PCDHA5: variants seen among roughly 807,000 people sequenced by gnomAD.
The protein encoded by PCDHA5 is protocadherin alpha-5.
Under a neutral mutation model 61.6 loss-of-function variants are expected in PCDHA5, and 43 were observed. That is an observed-to-expected ratio of 0.70 (90% CI 0.55 to 0.90). The LOEUF (loss-of-function observed/expected upper bound fraction) is 0.90. Among genes scored for constraint, PCDHA5 ranks in the 40% least tolerant of loss-of-function variants. The pLI is 0.00. For missense variants in PCDHA5, 1,298 were observed against 1,222.7 expected (o/e 1.06, Z -0.92); for synonymous variants, 627 against 543.9 (o/e 1.15, Z -2.13).
At chr5:140,890,917 G>C (rs1465334645) in intron 1 of PCDHA5, among the ~76,000 whole-genome samples, 3 of 152,116 alleles carry the variant, frequency 2.0e-5, no homozygotes, top group Non-Finnish European at 4.4e-5. Context: ...AATAATTTGA[G>C]AGTTTCCTTT....
intron 1 of PCDHA5, among the ~76,000 whole-genome samples, chr5:140,837,439 T>C (rs1775044466): frequency 6.6e-6 from 1 of 151,980 alleles, no homozygotes; most frequent in African/African-American, 2.4e-5. Flanking sequence ...TGAAATCTAG[T>C]ACGTAGTAAA....
intron 1 of PCDHA5, among the ~76,000 whole-genome samples, chr5:140,948,369 TG>T (rs1209104577): frequency 7.9e-5 from 12 of 151,580 alleles, no homozygotes; most frequent in Non-Finnish European, 3.0e-5. Context: ...ACTTAGGAGG[TG>T]TTCCTTCCTC....
intron 1 of PCDHA5, chr5:140,830,027 C>G (rs2150179874): frequency 4.3e-6 from 7 of 1,613,884 alleles, no homozygotes; most frequent in Non-Finnish European, 5.1e-6. Flanking sequence ...TCCGCGCCAC[C>G]GGCTGCTGGT....
intron 1 of PCDHA5, among the ~76,000 whole-genome samples, chr5:140,904,121 T>G (rs1554191284): frequency 6.6e-6 from 1 of 152,194 alleles, no homozygotes; most frequent in Non-Finnish European, 1.5e-5. Flanking sequence ...GAGATTTTGG[T>G]GCACCCATCA....
At chr5:140,866,092 G>C (rs1167702930) in intron 1 of PCDHA5, 1 of 152,100 alleles carries the variant, frequency 6.6e-6, no homozygotes, top group Non-Finnish European at 1.5e-5. Context: ...TTATGTAATT[G>C]TTAAGTAATT....
chr5:140,829,777 G>T (rs1554132235), intron 1 of PCDHA5: 4 of 1,613,626 alleles, frequency 2.5e-6, no homozygotes, highest in African/African-American at 1.3e-5. Context: ...ACGACAACGC[G>T]CCGGCGCTGC....
intron 1 of PCDHA5, among the ~76,000 whole-genome samples, chr5:140,880,368 T>G (rs1372331901): frequency 6.6e-6 from 1 of 152,170 alleles, no homozygotes; most frequent in African/African-American, 2.4e-5. Context: ...ATGAAAACCA[T>G]GAGAGAATAG....
chr5:140,836,764 A>G (rs1774728694), intron 1 of PCDHA5: 2 of 1,563,418 alleles, frequency 1.3e-6, no homozygotes, highest in Non-Finnish European at 1.7e-6. Context: ...TCTTGTTTCC[A>G]ACAATTTTAA....
At chr5:140,948,489 T>C (rs547481990) in intron 1 of PCDHA5, among the ~76,000 whole-genome samples, 6 of 151,790 alleles carry the variant, frequency 4.0e-5, no homozygotes, top group Admixed American at 3.3e-4. Context: ...TTCAATTTCT[T>C]TCATAGACTT....
intron 1 of PCDHA5, chr5:140,968,895 T>G: frequency 6.2e-7 from 1 of 1,614,218 alleles, no homozygotes; most frequent in Non-Finnish European, 8.5e-7. Context: ...TATCTAATAA[T>G]AGCATTAAGC....
At chr5:140,853,228 T>C (rs2042677094) in intron 1 of PCDHA5, 2 of 982,222 alleles carry the variant, frequency 2.0e-6, no homozygotes, top group Non-Finnish European at 2.5e-6. Flanking sequence ...ATTGGTAATT[T>C]AGTCCTTCAT....
chr5:140,853,528 C>G, intron 1 of PCDHA5: 1 of 978,674 alleles, frequency 1.0e-6, no homozygotes, highest in South Asian at 4.8e-5. Context: ...CCTCCTATGT[C>G]TCTTTTCAAG....
rs2150175965 is a variant in PCDHA5, at chr5:140,829,844, C to G, written c.2352+5717C>G. On this transcript the variant is annotated intron_variant, in intron 1 of 3. Coordinates refer to ENST00000529859, the MANE Select transcript of PCDHA5 (RefSeq NM_018908.3). ...AGTGAGCGAGCTGGTGCCGCGGTCACTGGGTGCAGGCCAAGTGGTGGCGAA... is the reference window on the plus strand; with the variant it reads ...AGTGAGCGAGCTGGTGCCGCGGTCAGTGGGTGCAGGCCAAGTGGTGGCGAA... 17,404 of 1,613,920 alleles carry G rather than the reference C, an allele frequency of 0.011. 1,610 individuals are homozygous for G. In the African/African-American group the frequency reaches 0.2, roughly 19 times the overall value.
chr5:140,919,763 A>T (rs2079297949), intron 1 of PCDHA5, among the ~76,000 whole-genome samples: 2 of 152,090 alleles, frequency 1.3e-5, no homozygotes, highest in African/African-American at 4.8e-5. Flanking sequence ...TGCCTTTTGT[A>T]TTACTGTTAC....
intron 1 of PCDHA5, chr5:140,850,972 T>C (rs2150504573): frequency 6.8e-7 from 1 of 1,465,332 alleles, no homozygotes; most frequent in African/African-American, 1.4e-5. Flanking sequence ...GCCGTTCAAA[T>C]AGTTTTATTC....
At chr5:140,979,564 A>G (rs1267870261) in intron 2 of PCDHA5, among the ~76,000 whole-genome samples, 2 of 152,222 alleles carry the variant, frequency 1.3e-5, no homozygotes, top group Non-Finnish European at 2.9e-5. Context: ...AAGATGAGCC[A>G]TGTAAAGGGC....
chr5:140,938,295 A>G (rs1458865676), intron 1 of PCDHA5, among the ~76,000 whole-genome samples: 1 of 152,190 alleles, frequency 6.6e-6, no homozygotes, highest in Non-Finnish European at 1.5e-5. Context: ...GTCATTGCCT[A>G]TGAAATTCAG....
chr5:140,947,103 G>A (rs1355984234), intron 1 of PCDHA5, among the ~76,000 whole-genome samples: 1 of 151,176 alleles, frequency 6.6e-6, no homozygotes, highest in Admixed American at 6.6e-5. Flanking sequence ...CCATAAATAG[G>A]TACGTGTCAA....
intron 1 of PCDHA5, among the ~76,000 whole-genome samples, chr5:140,885,718 C>T (rs2060696401): frequency 6.6e-6 from 1 of 152,124 alleles, no homozygotes; most frequent in South Asian, 2.1e-4. Flanking sequence ...CTAATGTGAT[C>T]TCTGTGAAAT....
Sources: allele counts gnomAD v4.1 joint callset (sites outside exome capture counted in the v4.1 genomes callset), GRCh38; gene constraint gnomAD v4.1.1; transcripts MANE v1.5; gene names NCBI Gene and HGNC (gene_info 2026-07-23, HGNC 2026-07-21).